TRPM1: variants seen among roughly 807,000 people sequenced by gnomAD.
The protein encoded by TRPM1 is TRPM1-203 APA Isoform, Intron 10.
In TRPM1, 113 loss-of-function variants were observed where a neutral mutation model predicts 149.4. The observed-to-expected ratio is 0.76, with a 90% confidence interval of 0.65 to 0.88. The LOEUF (loss-of-function observed/expected upper bound fraction) is 0.88. Ranked by LOEUF, TRPM1 falls within the 40% of genes least tolerant of loss-of-function variation. The probability of loss-of-function intolerance (pLI) is 0.00; values close to 1 mark genes in which losing one functional copy is unlikely to be tolerated. For missense variants in TRPM1, 1,976 were observed against 2,038.7 expected, an observed-to-expected ratio of 0.97 and a Z score of 0.59; for synonymous variants, 741 against 759.5, an observed-to-expected ratio of 0.98 and a Z score of 0.40.
chr15:31,117,440 C>T (rs1214618208), intron 1 of TRPM1, among the ~76,000 whole-genome samples: 2 of 151,922 alleles, frequency 1.3e-5, no homozygotes, highest in Admixed American at 6.6e-5. Context: ...GACCCGAGAT[C>T]GTGCCACTGC....
chr15:31,025,732 C>T (rs771820026), intron 27 of TRPM1, among the ~76,000 whole-genome samples: 1 of 152,144 alleles, frequency 6.6e-6, no homozygotes, highest in Non-Finnish European at 1.5e-5. Flanking sequence ...AAGGTGTTGC[C>T]AAGGTGCAGC....
chr15:31,005,232 CA>C (rs2031946946), intron 27 of TRPM1, among the ~76,000 whole-genome samples: 1 of 152,244 alleles, frequency 6.6e-6, no homozygotes, highest in Non-Finnish European at 1.5e-5. Flanking sequence ...AGTTCCTTTA[CA>C]AACATACAGT....
Position 31,042,118 on chromosome 15 carries a change from C to G in TRPM1, c.1920G>C (p.Trp640Cys). 1 of 1,614,222 alleles carries G rather than the reference C, an allele frequency of 6.2e-7. No individual in the cohort carries two copies. The highest frequency in any genetic ancestry group is 1.1e-5 in the South Asian group (1 of 91,082). Reference protein sequence around the residue: ...FQYPFHELMVWAVLMKRQKMA... With the variant: ...FQYPFHELMVCAVLMKRQKMA... ...TTTTCTGGCGTTTCATCAGCACTGC[C>G]CACACCATCAGCTCGTGGAAGGGAT... is the stretch of plus-strand genomic sequence containing the variant. Residue 640 changes from tryptophan (W) to cysteine (C), a missense_variant, in exon 17 of 28, where the codon TGG becomes TGC. Transcript: ENST00000256552.
chr15:31,148,390 G>A (rs764739091), intron 1 of TRPM1, among the ~76,000 whole-genome samples: 1 of 152,270 alleles, frequency 6.6e-6, no homozygotes, highest in South Asian at 2.1e-4. Context: ...GGCCTGGCTC[G>A]GGCGCAGCTG....
At chr15:31,053,930 T>C (rs901109078) in intron 11 of TRPM1, among the ~76,000 whole-genome samples, 5 of 152,230 alleles carry the variant, frequency 3.3e-5, no homozygotes, top group African/African-American at 9.6e-5. Flanking sequence ...TGACAAATGC[T>C]ACAACACGGA....
intron 1 of TRPM1, among the ~76,000 whole-genome samples, chr15:31,122,224 C>G (rs768682821): frequency 6.6e-6 from 1 of 152,162 alleles, no homozygotes; most frequent in South Asian, 2.1e-4. Context: ...ACAGCTAACA[C>G]CATACTTAAT....
chr15:31,027,177 G>A, intron 25 of TRPM1, 60 bp from the exon 26 acceptor site: 1 of 1,527,832 alleles, frequency 6.5e-7, no homozygotes, highest in Non-Finnish European at 9.0e-7. Context: ...ATTTCCCAGA[G>A]CAGTCAAAGT....
At chr15:31,113,186 C>T (rs1032916102) in intron 1 of TRPM1, among the ~76,000 whole-genome samples, 1 of 152,194 alleles carries the variant, frequency 6.6e-6, no homozygotes, top group African/African-American at 2.4e-5. Flanking sequence ...GGCCCACCTT[C>T]TCCAGCTGGT....
At chr15:31,065,047 A>C (rs1180004303) in intron 7 of TRPM1, 1 of 534,674 alleles carries the variant, frequency 1.9e-6, no homozygotes, top group Non-Finnish European at 3.8e-6. Context: ...TGCTGTGGGA[A>C]GTGACAACTG....
intron 3 of TRPM1, 50 bp downstream of exon 3, chr15:31,076,855 G>A: frequency 1.5e-6 from 2 of 1,366,652 alleles, no homozygotes; most frequent in Non-Finnish European, 2.1e-6. Flanking sequence ...GAGAATAGTG[G>A]CAGACAAGCA....
At chr15:31,061,007 C>T (rs2140953710) in intron 10 of TRPM1, among the ~76,000 whole-genome samples, 1 of 152,312 alleles carries the variant, frequency 6.6e-6, no homozygotes, top group African/African-American at 2.4e-5. Flanking sequence ...CCCCTCATGG[C>T]ACCAGGCTAA....
chr15:31,080,391 G>A (rs1279361952), intron 2 of TRPM1, among the ~76,000 whole-genome samples: 2 of 152,142 alleles, frequency 1.3e-5, no homozygotes, highest in South Asian at 2.1e-4. Flanking sequence ...TATTTATTAT[G>A]AGGCTCTGGA....
At chr15:31,127,150 A>G (rs778712708) in intron 1 of TRPM1, among the ~76,000 whole-genome samples, 3 of 152,182 alleles carry the variant, frequency 2.0e-5, no homozygotes, top group Non-Finnish European at 4.4e-5. Flanking sequence ...GAGATTTCTC[A>G]TTCCTTCTGG....
intron 3 of TRPM1, 105 bp from the exon 4 acceptor site, chr15:31,070,331 G>A (rs2034505543): frequency 1.8e-6 from 2 of 1,090,688 alleles, no homozygotes; most frequent in Admixed American, 3.4e-5. Context: ...CCAAACAGGA[G>A]CCTACTAACA....
intron 1 of TRPM1, among the ~76,000 whole-genome samples, chr15:31,087,803 C>T (rs995174579): frequency 1.6e-4 from 25 of 152,202 alleles, no homozygotes; most frequent in Middle Eastern, 6.8e-3. Context: ...GTACCAAGAG[C>T]AGTCAAACTG....
intron 16 of TRPM1, among the ~76,000 whole-genome samples, chr15:31,045,356 G>T (rs1447613798): frequency 6.6e-6 from 1 of 152,134 alleles, no homozygotes; most frequent in Non-Finnish European, 1.5e-5. Context: ...TGCTAGTAAA[G>T]GTAATTTCTG....
In TRPM1 at chr15:31,047,260, G is replaced by T. The variant is rs1324100067; in HGVS notation, c.1624-9C>A. On this transcript the variant is annotated splice_polypyrimidine_tract_variant and intron_variant, in intron 14 of 27. Transcript: ENST00000256552. ...TCAGGCGGAAGGTTGCTCTGTAAAA[G>T]AAGTCTGGTCTCAGGCCCTGTGAGA... The T allele has an allele frequency of 1.9e-6, 3 of 1,614,244 alleles. No homozygotes were observed. The South Asian group carries it at 3.3e-5, about 18-fold the overall frequency.
intron 14 of TRPM1, 86 bp downstream of exon 14, chr15:31,047,803 T>A (rs931051535): frequency 3.7e-6 from 4 of 1,089,362 alleles, no homozygotes; most frequent in African/African-American, 1.5e-5. Flanking sequence ...GGAATAATAA[T>A]ACATTTTGAA....
intron 27 of TRPM1, among the ~76,000 whole-genome samples, chr15:31,007,356 G>T (rs991936565): frequency 6.6e-6 from 1 of 152,070 alleles, no homozygotes; most frequent in Non-Finnish European, 1.5e-5. Flanking sequence ...TTATGTATGT[G>T]TTGGACCCTT....
Sources: allele counts gnomAD v4.1 joint callset (sites outside exome capture counted in the v4.1 genomes callset), GRCh38; gene constraint gnomAD v4.1.1; transcripts MANE v1.5; gene names NCBI Gene and HGNC (gene_info 2026-07-23, HGNC 2026-07-21).